MECOM: variants seen among roughly 807,000 people sequenced by gnomAD.
The protein encoded by MECOM is histone-lysine N-methyltransferase MECOM.
Under a neutral mutation model 116.3 loss-of-function variants are expected in MECOM, and 13 were observed. The observed-to-expected ratio is 0.11, with a 90% CI of 0.07 to 0.18. The LOEUF is 0.18. Among genes scored for constraint, MECOM ranks in the 10% least tolerant of loss-of-function variants. The probability of loss-of-function intolerance (pLI) is 1.00; values close to 1 mark genes in which losing one functional copy is unlikely to be tolerated. For missense variants in MECOM, 1,299 were observed against 1,509.0 expected (o/e 0.86, Z 2.31); for synonymous variants, 528 against 535.2 (o/e 0.99, Z 0.19).
intron 1 of MECOM, among the ~76,000 whole-genome samples, chr3:169,499,958 A>G (rs1754334895): frequency 6.6e-6 from 1 of 152,116 alleles, no homozygotes; most frequent in Admixed American, 6.5e-5. Context: ...ATCTATCTCC[A>G]GAAGAGATAA....
intron 7 of MECOM, 129 bp from the exon 8 acceptor site, chr3:169,116,868 G>A: frequency 8.4e-7 from 1 of 1,190,780 alleles, no homozygotes; most frequent in Non-Finnish European, 1.1e-6. Context: ...GCACCAATCT[G>A]GGTGCTCCAA....
At chr3:169,532,480 G>A (rs1758766431) in intron 1 of MECOM, among the ~76,000 whole-genome samples, 2 of 152,130 alleles carry the variant, frequency 1.3e-5, no homozygotes, top group Non-Finnish European at 2.9e-5. Context: ...ACTCCTTCAT[G>A]GACTTATCAG....
Position 169,112,772 on chromosome 3 carries a change from A to G in MECOM, c.2577+15T>C. The G allele has an allele frequency of 2.5e-6, 4 of 1,602,174 alleles. No homozygotes were observed. The highest frequency in any genetic ancestry group is 3.4e-6 in the Non-Finnish European group (4 of 1,171,988). On this transcript the variant is annotated intron_variant, in intron 9 of 16. Transcript: ENST00000651503. The stretch of plus-strand genomic sequence containing the variant: ...TTAGTTTACAAGCTGGAAATCTCAA[A>G]TCCAAAATACTTACTTGTGGGTGAA...
chr3:169,485,985 G>GTATA (rs1212490457), intron 1 of MECOM, among the ~76,000 whole-genome samples: 3 of 53,260 alleles, frequency 5.6e-5, no homozygotes, highest in Middle Eastern at 0.017. Context: ...TATATATATA[G>GTATA]TATATATATG....
intron 7 of MECOM, among the ~76,000 whole-genome samples, chr3:169,118,969 A>C (rs147157065): frequency 4.9e-4 from 74 of 152,272 alleles, no homozygotes; most frequent in African/African-American, 1.6e-3. Context: ...CTCTACTGTA[A>C]TTTTCTCAGT....
chr3:169,235,164 A>G (rs1753881136), intron 2 of MECOM, among the ~76,000 whole-genome samples: 1 of 152,202 alleles, frequency 6.6e-6, no homozygotes, highest in Non-Finnish European at 1.5e-5. Flanking sequence ...ACTGACTTCT[A>G]TTATCATCAA....
At chr3:169,318,292 G>C (rs1385525409) in intron 2 of MECOM, among the ~76,000 whole-genome samples, 1 of 152,070 alleles carries the variant, frequency 6.6e-6, no homozygotes, top group East Asian at 1.9e-4. Context: ...AAACTAAAGA[G>C]CTTCTGCACA....
chr3:169,461,461 G>A (rs910643900), intron 1 of MECOM, among the ~76,000 whole-genome samples: 17 of 152,064 alleles, frequency 1.1e-4, no homozygotes, highest in African/African-American at 3.4e-4. Flanking sequence ...CTGTGCCTCC[G>A]CTTATACAGA....
chr3:169,543,429 G>C (rs1760344120), intron 1 of MECOM, among the ~76,000 whole-genome samples: 1 of 152,110 alleles, frequency 6.6e-6, no homozygotes, highest in South Asian at 2.1e-4. Context: ...TTTAAAATTA[G>C]TTGGGCATGG....
At chr3:169,460,458 T>C (rs927565900) in intron 1 of MECOM, among the ~76,000 whole-genome samples, 2 of 152,200 alleles carry the variant, frequency 1.3e-5, no homozygotes, top group African/African-American at 4.8e-5. Flanking sequence ...GATCATAGAA[T>C]TCAGCACCCT....
At chr3:169,556,972 A>G (rs557931525) in intron 1 of MECOM, among the ~76,000 whole-genome samples, 1 of 152,276 alleles carries the variant, frequency 6.6e-6, no homozygotes, top group Admixed American at 6.5e-5. Flanking sequence ...AATTTGTCAC[A>G]CAGCAATAAT....
At chr3:169,363,694 T>G (rs532079949) in intron 2 of MECOM, among the ~76,000 whole-genome samples, 2 of 152,018 alleles carry the variant, frequency 1.3e-5, no homozygotes, top group East Asian at 3.9e-4. Flanking sequence ...AAAGTCAGCC[T>G]GGCCGAAAAA....
chr3:169,559,183 T>C (rs16854085), intron 1 of MECOM, among the ~76,000 whole-genome samples: 33,554 of 152,076 alleles, frequency 0.22, 4,720 homozygotes, highest in East Asian at 0.7. Flanking sequence ...TGAGGTACAC[T>C]TTGCATAGAA....
chr3:169,157,208 G>C (rs1335139552), intron 2 of MECOM, among the ~76,000 whole-genome samples: 1 of 152,214 alleles, frequency 6.6e-6, no homozygotes, highest in Non-Finnish European at 1.5e-5. Context: ...AGAAGGCTTA[G>C]TCAGGCAATT....
chr3:169,199,054 C>T (rs1312289778), intron 2 of MECOM, among the ~76,000 whole-genome samples: 4 of 152,050 alleles, frequency 2.6e-5, no homozygotes, highest in African/African-American at 4.8e-5. Context: ...CATGTGTCCC[C>T]AATGTCACCT....
intron 1 of MECOM, among the ~76,000 whole-genome samples, chr3:169,559,995 T>A (rs1045564333): frequency 4.6e-5 from 7 of 152,286 alleles, no homozygotes; most frequent in Middle Eastern, 3.4e-3. Context: ...ATACCACTAA[T>A]GCCAAAAAGT....
At chr3:169,429,304 C>G (rs540671283) in intron 1 of MECOM, among the ~76,000 whole-genome samples, 1 of 152,254 alleles carries the variant, frequency 6.6e-6, no homozygotes, top group South Asian at 2.1e-4. Flanking sequence ...GGGTGTGTAT[C>G]TGTCTGTCTT....
intron 2 of MECOM, among the ~76,000 whole-genome samples, chr3:169,144,600 A>G (rs1209371027): frequency 6.6e-6 from 1 of 152,200 alleles, no homozygotes; most frequent in Non-Finnish European, 1.5e-5. Context: ...GCCCATCTAA[A>G]TGTTAATCAT....
chr3:169,276,149 G>A (rs1759542892), intron 2 of MECOM, among the ~76,000 whole-genome samples: 1 of 152,076 alleles, frequency 6.6e-6, no homozygotes, highest in Admixed American at 6.5e-5. Context: ...GAAAGTGGGG[G>A]GTAAAAAGAT....
Sources: allele counts gnomAD v4.1 joint callset (sites outside exome capture counted in the v4.1 genomes callset), GRCh38; gene constraint gnomAD v4.1.1; transcripts MANE v1.5; gene names NCBI Gene and HGNC (gene_info 2026-07-23, HGNC 2026-07-21).